Variants in MYO18B observed in about 807,000 individuals in gnomAD.
MYO18B encodes the protein unconventional myosin-XVIIIb.
MYO18B carries 204 observed loss-of-function variants against 273.0 expected under a neutral mutation model. The observed-to-expected ratio is 0.75, with a 90% CI of 0.67 to 0.84. The LOEUF is 0.84. Ranked by LOEUF, MYO18B falls within the 40% of genes least tolerant of loss-of-function variation. MYO18B has a pLI of 0.00. For synonymous variants in MYO18B, 1,330 were observed against 1,305.7 expected (o/e 1.02, Z -0.40); for missense variants, 3,212 against 3,287.6 (o/e 0.98, Z 0.56).
chr22:25,780,002 CA>C, intron 8 of MYO18B, 53 bp from the exon 9 acceptor site: 2 of 1,505,946 alleles, frequency 1.3e-6, no homozygotes, highest in Non-Finnish European at 1.8e-6. Flanking sequence ...TGTGAGGTGG[CA>C]GTGGCAGCAC....
intron 11 of MYO18B, among the ~76,000 whole-genome samples, chr22:25,787,294 A>G (rs1370920557): frequency 8.2e-6 from 1 of 122,232 alleles, no homozygotes; most frequent in African/African-American, 2.9e-5. Context: ...ACACACACAC[A>G]CACACACACA....
intron 1 of MYO18B, among the ~76,000 whole-genome samples, chr22:25,745,038 C>G (rs533861517): frequency 6.6e-6 from 1 of 152,134 alleles, no homozygotes; most frequent in Non-Finnish European, 1.5e-5. Flanking sequence ...ATTATCCCCC[C>G]GCACCAAGAT....
chr22:25,794,229 G>A (rs1301689118), intron 11 of MYO18B, among the ~76,000 whole-genome samples: 1 of 150,860 alleles, frequency 6.6e-6, no homozygotes, highest in African/African-American at 2.4e-5. Flanking sequence ...ACCGCACCTG[G>A]CCTTTCTCTC....
intron 7 of MYO18B, among the ~76,000 whole-genome samples, chr22:25,773,629 A>C (rs190326328): frequency 5.2e-4 from 79 of 152,046 alleles, no homozygotes; most frequent in Middle Eastern, 6.8e-3. Flanking sequence ...ACGCCCAGCT[A>C]ATTTTTTGTA....
rs775172877 is a variant in MYO18B at position 25,843,855 on chromosome 22, C to T, written c.3329C>T (p.Ser1110Leu). 24 of 1,613,100 alleles carry T rather than the reference C, an allele frequency of 1.5e-5. No individual in the cohort carries two copies. The highest frequency in any genetic ancestry group is 8.8e-5 in the South Asian group (8 of 91,040). ...GWLHRAKPNLSALDAPQVLHQ... is the reference protein window; with the variant it reads ...GWLHRAKPNLLALDAPQVLHQ... The stretch of plus-strand genomic sequence containing the variant: ...CTCCACAGAGCCAAGCCCAACCTCT[C>T]GGCCCTGGATGCACCCCAGGTCCTG... Residue 1110 changes from serine to leucine, a missense_variant, in exon 18 of 44, where the codon TCG (serine) becomes TTG (leucine). Transcript: ENST00000335473.
intron 17 of MYO18B, among the ~76,000 whole-genome samples, chr22:25,838,070 AAATGTTTT>A (rs374872126): frequency 6.6e-6 from 1 of 152,052 alleles, no homozygotes; most frequent in African/African-American, 2.4e-5. Context: ...CTCTCCCAGA[AAATGTTTT>A]AATTTCTGGA....
At chr22:25,998,272 C>T (rs1429694720) in intron 40 of MYO18B, among the ~76,000 whole-genome samples, 1 of 152,166 alleles carries the variant, frequency 6.6e-6, no homozygotes, top group Non-Finnish European at 1.5e-5. Flanking sequence ...AAAGTATGCT[C>T]ATTATTCTTG....
intron 39 of MYO18B, among the ~76,000 whole-genome samples, chr22:25,956,012 A>G (rs1366618480): frequency 6.6e-6 from 1 of 152,182 alleles, no homozygotes; most frequent in South Asian, 2.1e-4. Context: ...ACTGTGAGGT[A>G]GGTGCTATCT....
At chr22:26,024,507 G>A (rs938808741) in intron 42 of MYO18B, among the ~76,000 whole-genome samples, 7 of 152,206 alleles carry the variant, frequency 4.6e-5, no homozygotes, top group African/African-American at 1.7e-4. Context: ...GAGGGTGATG[G>A]TCAGAGAGAG....
intron 25 of MYO18B, among the ~76,000 whole-genome samples, chr22:25,887,363 G>T (rs905408862): frequency 2.0e-5 from 3 of 152,012 alleles, no homozygotes; most frequent in African/African-American, 7.3e-5. Context: ...CGCCCAAGCT[G>T]CAAATGAGGC....
intron 25 of MYO18B, among the ~76,000 whole-genome samples, chr22:25,889,000 A>G (rs1477166665): frequency 6.6e-6 from 1 of 152,174 alleles, no homozygotes. Flanking sequence ...CAGTACAGAA[A>G]TGCATCACAA....
chr22:25,877,255 A>G (rs695785), intron 24 of MYO18B: 122,445 of 152,092 alleles, frequency 0.81, 49,590 homozygotes, highest in East Asian at 1. Flanking sequence ...GCACCTGGGT[A>G]TCTTCATGGA....
chr22:25,804,144 C>T (rs1298152767), intron 12 of MYO18B, among the ~76,000 whole-genome samples: 2 of 152,228 alleles, frequency 1.3e-5, no homozygotes, highest in African/African-American at 4.8e-5. Flanking sequence ...TCCACTTTCT[C>T]TGCAGCTACA....
chr22:26,029,066 C>T lies in MYO18B; in HGVS notation c.*12+1376C>T, dbSNP rs1242106587. ...GATTAAAGTCACTTGTACAGAATCA[C>T]CAGGGCATAATTGGGTTTCCAGCTC... On this transcript the variant is annotated intron_variant, in intron 43 of 43. Transcript: ENST00000335473. Among the ~76,000 whole-genome samples the T allele has an allele frequency of 2.0e-5, 3 of 152,150 alleles. No homozygotes were observed. The East Asian group carries it at 5.8e-4, about 29-fold the overall frequency.
chr22:25,915,341 C>A (rs1012338026), intron 33 of MYO18B, among the ~76,000 whole-genome samples: 1 of 152,180 alleles, frequency 6.6e-6, no homozygotes, highest in Non-Finnish European at 1.5e-5. Flanking sequence ...GGATAGCCTT[C>A]TACATGCCTA....
chr22:25,747,391 C>T (rs1415547871), intron 1 of MYO18B, among the ~76,000 whole-genome samples: 3 of 152,222 alleles, frequency 2.0e-5, no homozygotes, highest in Non-Finnish European at 4.4e-5. Flanking sequence ...ATACAACACT[C>T]TGGGCAGCCC....
intron 40 of MYO18B, among the ~76,000 whole-genome samples, chr22:25,998,147 G>GT (rs1434355515): frequency 2.6e-5 from 4 of 152,234 alleles, no homozygotes; most frequent in Admixed American, 2.0e-4. Context: ...GGTAGCCTAT[G>GT]TGGCAGCATT....
At chr22:25,916,470 A>G (rs1294178385) in intron 33 of MYO18B, among the ~76,000 whole-genome samples, 1 of 152,112 alleles carries the variant, frequency 6.6e-6, no homozygotes, top group Non-Finnish European at 1.5e-5. Context: ...AATACATTTA[A>G]GATAATACAT....
intron 40 of MYO18B, among the ~76,000 whole-genome samples, chr22:26,000,731 A>G (rs1255759497): frequency 6.6e-6 from 1 of 152,122 alleles, no homozygotes; most frequent in Admixed American, 6.6e-5. Flanking sequence ...TATTTTAAAC[A>G]TACTCTCATT....
Sources: gnomAD v4.1 joint callset for allele counts (sites outside exome capture counted in the v4.1 genomes callset) on GRCh38, gnomAD v4.1.1 for gene constraint, MANE v1.5 for transcripts, NCBI Gene and HGNC (gene_info 2026-07-23, HGNC 2026-07-21) for gene names.